ARPC4: variants seen among roughly 807,000 people sequenced by gnomAD.
The protein encoded by ARPC4 is actin-related protein 2/3 complex subunit 4.
Under a neutral mutation model 22.8 loss-of-function variants are expected in ARPC4, and 3 were observed. That is an observed-to-expected ratio of 0.13 (90% CI 0.06 to 0.34). The LOEUF is 0.34. ARPC4 is among the 10% of genes least tolerant of loss of function. The pLI, the probability that ARPC4 is intolerant of heterozygous loss-of-function variation, is 1.00. For synonymous variants in ARPC4, 80 were observed against 72.5 expected (o/e 1.10, Z -0.52); for missense variants, 98 against 211.0 (o/e 0.46, Z 3.32).
intron 1 of ARPC4, among the ~76,000 whole-genome samples, chr3:9,795,980 C>G (rs1316136971): frequency 6.6e-6 from 1 of 152,158 alleles, no homozygotes; most frequent in Non-Finnish European, 1.5e-5. Flanking sequence ...CTTGTCATCT[C>G]AGCTATTCGC....
chr3:9,795,347 G>C (rs767747210), intron 1 of ARPC4, among the ~76,000 whole-genome samples: 2 of 152,030 alleles, frequency 1.3e-5, no homozygotes, highest in Non-Finnish European at 2.9e-5. Context: ...CAACGCTTGT[G>C]ATACTCTTTG....
At position 9,801,725 on chromosome 3, in the gene ARPC4, A is replaced by G; in HGVS notation, c.299A>G (p.Asn100Ser). The G allele has an allele frequency of 6.2e-7, 1 of 1,607,702 alleles. No homozygotes were observed. Among genetic ancestry groups the G allele is most frequent in the Non-Finnish European group, 8.5e-7 (1 of 1,176,342 alleles). The change falls in exon 4 of 6, where the codon AAC becomes AGC. Residue 100 changes from asparagine (N) to serine (S), a missense_variant. Asn to Ser is a conservative substitution (Grantham distance 46). Transcript: ENST00000397261. ...FMRFMMMRAENFFILRRKPVE... is the reference protein window; with the variant it reads ...FMRFMMMRAESFFILRRKPVE... Reference sequence around the variant, plus strand: ...CGCTTCATGATGATGCGAGCAGAGAACTTCTTTATCCTTCGAAGGAAGCCT... The same window carrying G: ...CGCTTCATGATGATGCGAGCAGAGAGCTTCTTTATCCTTCGAAGGAAGCCT...
intron 1 of ARPC4, 108 bp downstream of exon 1, chr3:9,793,232 CG>C (rs1273475699): frequency 2.2e-6 from 3 of 1,336,070 alleles, no homozygotes; most frequent in East Asian, 3.2e-5. Flanking sequence ...GAGGGATGTC[CG>C]GGGGTTGTGG....
At chr3:9,793,055 G>C, upstream of ARPC4, 1 of 1,544,526 alleles carries the variant, frequency 6.5e-7, no homozygotes, top group Non-Finnish European at 8.7e-7. Context: ...CGCTTCTCGC[G>C]AAAGGGCAGG....
rs1383700271 is a variant in ARPC4 at position 9,800,384 on chromosome 3, G to T, written c.234+88G>T. 2.5e-5 allele frequency: 32 copies of T among 1,261,912 alleles called. 1 individual carries two copies. Among genetic ancestry groups the T allele is most frequent in the Non-Finnish European group, 2.1e-5 (19 of 893,128 alleles). The allele number at this position is 1,261,912 out of a possible 1,614,324, so 78.2% of individuals were successfully genotyped here. On this transcript the variant is annotated intron_variant, in intron 3 of 5. Coordinates refer to ENST00000397261, the MANE Select transcript of ARPC4 (RefSeq NM_005718.5). ...TCCGGGGTCCCCATCTGAGAGATCA[G>T]TGTGCCAGATTCCAGATTCAGAGTG...
chr3:9,803,868 C>G lies in ARPC4; in HGVS notation c.356C>G (p.Thr119Ser). The G allele has an allele frequency of 6.2e-7, 1 of 1,614,144 alleles. No individual in the cohort carries two copies. The highest frequency in any genetic ancestry group is 8.5e-7 in the Non-Finnish European group (1 of 1,179,988). ...GGGTATGATATCAGCTTTCTGATCA[C>G]CAACTTCCACACAGAGCAGATGTAC... is the stretch of plus-strand genomic sequence containing the variant. The part of the protein sequence containing the change: ...VEGYDISFLI[T>S]NFHTEQMYKH... The change falls in exon 5 of 6, where the codon ACC becomes AGC. Residue 119 changes from threonine to serine, a missense_variant. By Grantham distance (58) the Thr-to-Ser change is moderately conservative (BLOSUM62 1). Transcript: ENST00000397261.
chr3:9,802,198 A>C (rs1157454665), intron 4 of ARPC4, among the ~76,000 whole-genome samples: 1 of 126,800 alleles, frequency 7.9e-6, no homozygotes, highest in East Asian at 2.3e-4. Context: ...AGATCGTGCC[A>C]CTGTACTGCA....
Position 9,801,808 on chromosome 3 carries a change from T to C in ARPC4, c.330+52T>C, listed in dbSNP as rs756514239. The C allele has an allele frequency of 2.0e-6, 3 of 1,501,064 alleles. No individual in the cohort carries two copies. The East Asian group carries it at 7.4e-5, about 37-fold the overall frequency. The allele number at this position is 1,501,064 out of a possible 1,614,324, so 93.0% of individuals were successfully genotyped here. On this transcript the variant is annotated intron_variant, in intron 4 of 5. Coordinates refer to ENST00000397261, the MANE Select transcript of ARPC4 (RefSeq NM_005718.5). ...CGATACCCAGGACCCTGTTACAGAA[T>C]GGCCTGGGATTGTTTCTAGAACCAG... is the stretch of plus-strand genomic sequence containing the variant.
chr3:9,800,361 C>G lies in ARPC4; in HGVS notation c.234+65C>G. On this transcript the variant is annotated intron_variant, in intron 3 of 5. Transcript: ENST00000397261. ...TCAGTCCTTTCAGCCTCTTTCAGTCCGGGGTCCCCATCTGAGAGATCAGTG... is the reference window on the plus strand; with the variant it reads ...TCAGTCCTTTCAGCCTCTTTCAGTCGGGGGTCCCCATCTGAGAGATCAGTG... 3 of 1,522,368 alleles carry G rather than the reference C, an allele frequency of 2.0e-6. No homozygotes were observed. In the South Asian group the frequency reaches 3.4e-5, roughly 17 times the overall value. The allele number at this position is 1,522,368 out of a possible 1,614,324, so 94.3% of individuals were successfully genotyped here.
chr3:9,799,196 A>G (rs2078958345), intron 2 of ARPC4, among the ~76,000 whole-genome samples: 1 of 152,234 alleles, frequency 6.6e-6, no homozygotes, highest in African/African-American at 2.4e-5. Flanking sequence ...TAATTAAAGG[A>G]AGCCAAACTG....
chr3:9,793,145 G>C (rs755409921), intron 1 of ARPC4, 21 bp downstream of exon 1: 2 of 1,540,110 alleles, frequency 1.3e-6, no homozygotes, highest in Non-Finnish European at 1.8e-6. Flanking sequence ...CGGGCCCCCG[G>C]CCAGGGACCC....
chr3:9,806,362 C>A lies in ARPC4; in HGVS notation c.*147C>A. The A allele has an allele frequency of 1.1e-6, 1 of 931,198 alleles. No individual in the cohort carries two copies. The highest frequency in any genetic ancestry group is 1.7e-6 in the Non-Finnish European group (1 of 571,614). 57.7% of individuals were successfully genotyped at this position (931,198 alleles called of 1,614,324 possible). ...ATGCGGGAGGTGGGTGGTGTGCTTG[C>A]TAGCTGGGCAAGAAAGCAGCAGTGG... On this transcript the variant is annotated 3_prime_UTR_variant, in exon 6 of 6. Coordinates refer to ENST00000397261, the MANE Select transcript of ARPC4 (RefSeq NM_005718.5).
chr3:9,797,826 A>G, intron 2 of ARPC4, 49 bp downstream of exon 2: 3 of 1,571,570 alleles, frequency 1.9e-6, no homozygotes, highest in Non-Finnish European at 2.6e-6. Flanking sequence ...GCACACAGAG[A>G]TGGCTGCTGT....
At position 9,804,122 on chromosome 3, in the gene ARPC4, T is replaced by C. The variant is rs2079063884; in HGVS notation, c.501+109T>C. 8 of 1,304,310 alleles carry C rather than the reference T, an allele frequency of 6.1e-6. No homozygotes were observed. The South Asian group carries it at 1.1e-4, about 19-fold the overall frequency. 80.8% of individuals were successfully genotyped at this position (1,304,310 alleles called of 1,614,324 possible). On this transcript the variant is annotated intron_variant, in intron 5 of 5. Transcript: ENST00000397261. ...GTCCAAGCAGTGTGTTTATATCTCC[T>C]GAGCTCTCTAGGACCCCTGGGGCAC... is the stretch of plus-strand genomic sequence containing the variant.
chr3:9,801,323 C>G (rs2079006497), intron 3 of ARPC4, among the ~76,000 whole-genome samples: 2 of 150,938 alleles, frequency 1.3e-5, no homozygotes, highest in African/African-American at 2.4e-5. Context: ...AAGGTTATCT[C>G]TGATAGCCCA....
At chr3:9,801,823 T>A (rs2079015645) in intron 4 of ARPC4, 67 bp downstream of exon 4, 1 of 1,463,392 alleles carries the variant, frequency 6.8e-7, no homozygotes, top group East Asian at 2.5e-5. Context: ...TGGGATTGTT[T>A]CTAGAACCAG....
At chr3:9,799,861 C>G (rs1018856885) in intron 2 of ARPC4, 1 of 498,188 alleles carries the variant, frequency 2.0e-6, no homozygotes. Context: ...ACATTTGACC[C>G]TTTTTGATCT....
intron 4 of ARPC4, among the ~76,000 whole-genome samples, chr3:9,802,071 T>A (rs530238364): frequency 4.5e-4 from 69 of 151,808 alleles, no homozygotes; most frequent in Non-Finnish European, 7.8e-4. Flanking sequence ...AAACCCCATC[T>A]CTATTAAAAA....
At chr3:9,793,221 C>T (rs2276797) in intron 1 of ARPC4, 97 bp downstream of exon 1, 226,541 of 1,462,472 alleles carry the variant, frequency 0.15, 20,401 homozygotes, top group East Asian at 0.42. Flanking sequence ...GGCGCGGGGC[C>T]GAGGGATGTC....
Sources: gnomAD v4.1 joint callset for allele counts (sites outside exome capture counted in the v4.1 genomes callset) on GRCh38, gnomAD v4.1.1 for gene constraint, MANE v1.5 for transcripts, NCBI Gene and HGNC (gene_info 2026-07-23, HGNC 2026-07-21) for gene names.